Variants in PCDHGB2 observed in about 807,000 individuals in gnomAD.
PCDHGB2 encodes protocadherin gamma-B2.
Under a neutral mutation model 59.3 loss-of-function variants are expected in PCDHGB2, and 55 were observed. That is an observed-to-expected ratio of 0.93 (90% CI 0.75 to 1.16). PCDHGB2 has a LOEUF of 1.16. PCDHGB2 is among the 50% of genes most tolerant of loss of function. The pLI, the probability that PCDHGB2 is intolerant of heterozygous loss-of-function variation, is 0.00. For synonymous variants in PCDHGB2, 516 were observed against 512.0 expected (o/e 1.01, Z -0.11); for missense variants, 1,228 against 1,198.5 (o/e 1.02, Z -0.36).
At chr5:141,376,670 G>A in intron 1 of PCDHGB2, 1 of 694,802 alleles carries the variant, frequency 1.4e-6, no homozygotes, top group Non-Finnish European at 2.2e-6. Context: ...TTCAGGTGAG[G>A]GTATCGTTTT....
chr5:141,421,901 G>C (rs754277661), intron 1 of PCDHGB2: 1 of 1,613,724 alleles, frequency 6.2e-7, no homozygotes, highest in East Asian at 2.2e-5. Flanking sequence ...ATCCGAAAGG[G>C]CGCAGTTCCC....
At chr5:141,404,198 T>G in intron 1 of PCDHGB2, 1 of 1,613,554 alleles carries the variant, frequency 6.2e-7, no homozygotes, top group Non-Finnish European at 8.5e-7. Flanking sequence ...AGAAAAAGCC[T>G]CAGAATATAA....
At chr5:141,409,424 G>A in intron 1 of PCDHGB2, 1 of 1,613,998 alleles carries the variant, frequency 6.2e-7, no homozygotes, top group Non-Finnish European at 8.5e-7. Context: ...GGTGACAGAT[G>A]GAGCCCTGGA....
intron 1 of PCDHGB2, among the ~76,000 whole-genome samples, chr5:141,448,706 C>T (rs1344013319): frequency 1.3e-5 from 2 of 151,730 alleles, no homozygotes; most frequent in African/African-American, 2.4e-5. Flanking sequence ...TTTGGGAGGC[C>T]GAGGCGGGAG....
At chr5:141,410,441 A>C (rs1242063924) in intron 1 of PCDHGB2, 1 of 1,613,828 alleles carries the variant, frequency 6.2e-7, no homozygotes, top group South Asian at 1.1e-5. Flanking sequence ...CAGTGAGGGG[A>C]CTTTGCCTTA....
At chr5:141,499,289 C>T in intron 2 of PCDHGB2, among the ~76,000 whole-genome samples, 1 of 152,212 alleles carries the variant, frequency 6.6e-6, no homozygotes, top group African/African-American at 2.4e-5. Context: ...GATGGCTCCA[C>T]ACTACCATCC....
Position 141,432,147 on chromosome 5 carries a change from A to G in PCDHGB2, c.2422-62660A>G. 6.2e-7 allele frequency: 1 copy of G among 1,614,066 alleles called. No individual in the cohort carries two copies. The highest frequency in any genetic ancestry group is 8.5e-7 in the Non-Finnish European group (1 of 1,179,998). ...GCCTCCTATTCCGCTTATATCCCAG[A>G]GAACAATCCCAGAGGAGTTTCCCTC... On this transcript the variant is annotated intron_variant, in intron 1 of 3. Transcript: ENST00000522605. The surrounding 1 kb of genome is among the most constrained non-coding windows in gnomAD (Gnocchi z 6.0).
At chr5:141,457,412 C>A (rs2098919309) in intron 1 of PCDHGB2, among the ~76,000 whole-genome samples, 1 of 152,188 alleles carries the variant, frequency 6.6e-6, no homozygotes. Flanking sequence ...TCACATTACC[C>A]ATCCCTTTTT....
intron 1 of PCDHGB2, chr5:141,395,454 C>T (rs75588357): frequency 0.043 from 25,805 of 605,332 alleles, 669 homozygotes; most frequent in South Asian, 0.075. Flanking sequence ...ATTGTTCAAC[C>T]ATTTTAAGCC....
rs1240258760 is a variant in PCDHGB2 at position 141,423,933 on chromosome 5, GAAGT to G, written c.2421+61382_2421+61385del. On this transcript the variant is annotated intron_variant, in intron 1 of 3. Coordinates refer to ENST00000522605, the MANE Select transcript of PCDHGB2 (RefSeq NM_018923.3). The stretch of plus-strand genomic sequence containing the variant: ...CCATTCAACTATGCTGGTTTGGTTT[GAAGT>G]AAGTTGAATTTTAGTATTATTTTTC... 5 of 1,226,500 alleles carry G rather than the reference GAAGT, an allele frequency of 4.1e-6. No homozygotes were observed. The African/African-American group carries it at 7.9e-5, about 19-fold the overall frequency. The allele number at this position is 1,226,500 out of a possible 1,614,324, so 76.0% of individuals were successfully genotyped here. A position where few individuals can be genotyped will look rare whatever the true frequency, so the allele number is the denominator to read the frequency against.
chr5:141,427,150 T>C (rs570999921), intron 1 of PCDHGB2: 6 of 456,866 alleles, frequency 1.3e-5, no homozygotes, highest in African/African-American at 4.0e-5. Flanking sequence ...ATTGGAAATA[T>C]GTTTGTGCTA....
rs1347978078 is a variant in PCDHGB2, at chr5:141,486,800, C to G, written c.2422-8007C>G. ...GGTGCAGGCCCGGGATCGGGGCAAC[C>G]CACCCCTTAGCAGCACTGTAACAGT... On this transcript the variant is annotated intron_variant, in intron 1 of 3. Coordinates refer to ENST00000522605, the MANE Select transcript of PCDHGB2 (RefSeq NM_018923.3). The surrounding 1 kb of genome is among the most constrained non-coding windows in gnomAD (Gnocchi z 5.0). 1.9e-6 allele frequency: 3 copies of G among 1,614,104 alleles called. No individual in the cohort carries two copies. In the Admixed American group the frequency reaches 5.0e-5, roughly 27 times the overall value.
intron 1 of PCDHGB2, among the ~76,000 whole-genome samples, chr5:141,481,105 T>C (rs1357970765): frequency 6.6e-6 from 1 of 152,188 alleles, no homozygotes; most frequent in Non-Finnish European, 1.5e-5. Flanking sequence ...CTCTGGAACC[T>C]ACCAATCCAT....
rs1023140435 is a variant in PCDHGB2, at chr5:141,415,749, T to G, written c.2421+53193T>G. The G allele has an allele frequency of 4.7e-4, 569 of 1,213,970 alleles. 1 individual carries two copies. Among genetic ancestry groups the G allele is most frequent in the Admixed American group, 3.5e-3 (90 of 25,886 alleles). The allele number at this position is 1,213,970 out of a possible 1,614,324, so 75.2% of individuals were successfully genotyped here. The stretch of plus-strand genomic sequence containing the variant: ...TTTGATGTTTATTAAGGTTTTTTTT[T>G]TTTTTTTTTTTTTTTTTTTTTTTAC... On this transcript the variant is annotated intron_variant, in intron 1 of 3. Transcript: ENST00000522605.
chr5:141,396,134 A>G (rs970824771), intron 1 of PCDHGB2: 1 of 152,226 alleles, frequency 6.6e-6, no homozygotes, highest in East Asian at 1.9e-4. Context: ...CACAAGTTCT[A>G]AATAAGCTGA....
intron 1 of PCDHGB2, among the ~76,000 whole-genome samples, chr5:141,494,399 T>A (rs2099754028): frequency 6.6e-6 from 1 of 152,146 alleles, no homozygotes; most frequent in South Asian, 2.1e-4. Context: ...ATAAATTCAT[T>A]CTAGGGCTGG....
chr5:141,421,507 G>A lies in PCDHGB2; in HGVS notation c.2421+58951G>A, dbSNP rs758920296. On this transcript the variant is annotated intron_variant, in intron 1 of 3. Coordinates refer to ENST00000522605, the MANE Select transcript of PCDHGB2 (RefSeq NM_018923.3). ...GATCACGGCAGGCAGGATAGACCGG[G>A]AGGAGCTCTGTGAGACGGTGTCCTC... The A allele has an allele frequency of 6.8e-6, 11 of 1,614,070 alleles. No homozygotes were observed. The South Asian group carries it at 1.2e-4, about 18-fold the overall frequency.
chr5:141,399,396 G>C, intron 1 of PCDHGB2: 1 of 1,613,960 alleles, frequency 6.2e-7, no homozygotes, highest in Non-Finnish European at 8.5e-7. Flanking sequence ...CCACAGACAG[G>C]GGCAAGCCGC....
At chr5:141,411,556 C>A (rs2095498108) in intron 1 of PCDHGB2, 1 of 152,200 alleles carries the variant, frequency 6.6e-6, no homozygotes, top group Non-Finnish European at 1.5e-5. Context: ...TGCACTCCAG[C>A]CTGGGCGACA....
Sources: allele counts gnomAD v4.1 joint callset (sites outside exome capture counted in the v4.1 genomes callset), GRCh38; gene constraint gnomAD v4.1.1; non-coding constraint Gnocchi (gnomAD v3.1); transcripts MANE v1.5; gene names NCBI Gene and HGNC (gene_info 2026-07-23, HGNC 2026-07-21).